IGSF9: variants seen among roughly 807,000 people sequenced by gnomAD.
IGSF9 encodes the protein immunoglobulin superfamily member 9, also known as protein turtle homolog A.
In IGSF9, 87 loss-of-function variants were observed where a neutral mutation model predicts 121.7. The ratio of observed to expected loss-of-function variants is 0.71; its 90% confidence interval spans 0.60 to 0.85. The LOEUF is 0.85. IGSF9 is among the 40% of genes least tolerant of loss of function. The pLI is 0.00. For synonymous variants in IGSF9, 640 were observed against 648.4 expected (o/e 0.99, Z 0.20); for missense variants, 1,462 against 1,565.3 (o/e 0.93, Z 1.11).
In IGSF9 at chr1:159,930,732, C is replaced by T. The variant is rs1471529722; in HGVS notation, c.1773G>A (p.Gly591=). 1 of 1,614,012 alleles carries T rather than the reference C, an allele frequency of 6.2e-7. No individual in the cohort carries two copies. The highest frequency in any genetic ancestry group is 1.3e-5 in the African/African-American group (1 of 74,916). The change falls in exon 14 of 21, where the codon GGG becomes GGA. Residue 591 remains glycine (G), a synonymous_variant. Coordinates refer to ENST00000368094, the MANE Select transcript of IGSF9 (RefSeq NM_001135050.2). ...AGACGATTTCGCTGAAGGGACCACT[C>T]CCCAGCTTGTTCTGAGCTAGCACGC... ...QFSVLAQNKL[G]SGPFSEIVLS... is the part of the protein sequence containing the mutation.
chr1:159,943,056 G>A lies in IGSF9; in HGVS notation c.154C>T (p.Leu52=), dbSNP rs754099072. 2 of 1,611,608 alleles carry A rather than the reference G, an allele frequency of 1.2e-6. No homozygotes were observed. The highest frequency in any genetic ancestry group is 1.1e-5 in the South Asian group (1 of 90,728). ...AAGCGCAGCCACTCGATGACATGCA[G>A]GGGGGGCCGGCCGGCCGGGGGCAGC... ...DLLPPAGRPP[L]HVIEWLRFGF... The change falls in exon 3 of 21, where the codon CTG becomes TTG. Residue 52 remains leucine, a synonymous_variant. Coordinates refer to ENST00000368094, the MANE Select transcript of IGSF9 (RefSeq NM_001135050.2).
chr1:159,940,772 T>C (rs1474440327), intron 3 of IGSF9, among the ~76,000 whole-genome samples: 1 of 152,196 alleles, frequency 6.6e-6, no homozygotes, highest in Non-Finnish European at 1.5e-5. Flanking sequence ...ACGAGGTCAC[T>C]GATTTTTATC....
chr1:159,942,284 C>T (rs1027752255), intron 3 of IGSF9, among the ~76,000 whole-genome samples: 14 of 152,210 alleles, frequency 9.2e-5, no homozygotes, highest in African/African-American at 3.1e-4. Context: ...AGGCTACACA[C>T]GATTTTAAGT....
chr1:159,929,839 G>A (rs1371344170), intron 16 of IGSF9, 25 bp from the exon 17 acceptor site: 2 of 1,596,202 alleles, frequency 1.3e-6, no homozygotes, highest in African/African-American at 2.7e-5. Context: ...ACGAGGGAGG[G>A]TCAGTGGACT....
chr1:159,931,644 C>T lies in IGSF9; in HGVS notation c.1363-41G>A. ...TGAGCCCTGAGGACACACGCAGCCA[C>T]CCCTCACCAAAGGCGCCCCTCATCT... is the stretch of plus-strand genomic sequence containing the variant. On this transcript the variant is annotated intron_variant, in intron 11 of 20. Coordinates refer to ENST00000368094, the MANE Select transcript of IGSF9 (RefSeq NM_001135050.2). This position sits in a 1 kb window ranked among gnomAD's most constrained non-coding sequence, Gnocchi z 4.8. 5 of 1,597,656 alleles carry T rather than the reference C, an allele frequency of 3.1e-6. No individual in the cohort carries two copies. Among genetic ancestry groups the T allele is most frequent in the South Asian group, 2.2e-5 (2 of 90,624 alleles).
At chr1:159,934,366 G>A in intron 8 of IGSF9, 34 bp from the exon 9 acceptor site, 3 of 1,568,958 alleles carry the variant, frequency 1.9e-6, no homozygotes, top group Middle Eastern at 1.7e-4. Context: ...GGGGGAGAGG[G>A]GCTTGGCCTG....
chr1:159,927,457 G>A lies in IGSF9; in HGVS notation c.3428C>T (p.Ala1143Val). The change falls in exon 21 of 21, where the codon GCT (alanine) becomes GTT (valine). Residue 1143 changes from alanine (A) to valine (V), a missense_variant. Ala to Val is a moderately conservative substitution (Grantham distance 64). Coordinates refer to ENST00000368094, the MANE Select transcript of IGSF9 (RefSeq NM_001135050.2). ...AHVTGPEARC[A>V]ALREEFLAFR... is the part of the protein sequence containing the mutation. The stretch of plus-strand genomic sequence containing the variant: ...GGCCAGGAATTCCTCCCGAAGGGCA[G>A]CACAGCGGGCCTCAGGGCCAGTAAC... The A allele has an allele frequency of 1.9e-6, 3 of 1,614,178 alleles. No homozygotes were observed. The South Asian group carries it at 3.3e-5, about 18-fold the overall frequency.
chr1:159,929,767 G>A lies in IGSF9; in HGVS notation c.2197C>T (p.Gln733Ter), dbSNP rs534767172. 1.1e-5 allele frequency: 18 copies of A among 1,606,528 alleles called. No homozygotes were observed. The South Asian group carries it at 1.9e-4, about 17-fold the overall frequency. Residue 733 changes from glutamine (Q) to a stop codon, truncating the protein, a stop_gained, in exon 17 of 21, where the codon CAG becomes TAG. Transcript: ENST00000368094. LOFTEE classifies it high-confidence loss of function. ...CCCACCACGCCGGCCAGCACGGGCT[G>A]AGGCAGGAGGCCCGGCAGCTGCGTG... ...SRTQLPGLLPQPVLAGVVGGV... is the reference protein window; with the variant it reads ...SRTQLPGLLP
chr1:159,929,689 G>A lies in IGSF9; in HGVS notation c.2275C>T (p.Leu759Phe). 1.3e-6 allele frequency: 2 copies of A among 1,597,814 alleles called. No homozygotes were observed. Among genetic ancestry groups the A allele is most frequent in the South Asian group, 1.1e-5 (1 of 88,368 alleles). Residue 759 changes from leucine to phenylalanine, a missense_variant, in exon 17 of 21, where the codon CTC becomes TTC. Coordinates refer to ENST00000368094, the MANE Select transcript of IGSF9 (RefSeq NM_001135050.2). ...AVLVSILAGC[L>F]LNRRRAARRR... Reference sequence around the variant, plus strand: ...CGGGCAGCCCTGCGCCGGTTCAGGAGGCAGCCGGCCAGGATGCTCACAAGG... The same window carrying A: ...CGGGCAGCCCTGCGCCGGTTCAGGAAGCAGCCGGCCAGGATGCTCACAAGG...
At chr1:159,941,108 A>T (rs937482183) in intron 3 of IGSF9, among the ~76,000 whole-genome samples, 1 of 145,726 alleles carries the variant, frequency 6.9e-6, no homozygotes, top group African/African-American at 2.8e-5. Flanking sequence ...CCTCTACTAG[A>T]TGCTTCTAGA....
chr1:159,929,503 T>C, intron 17 of IGSF9, 110 bp from the exon 18 acceptor site: 1 of 1,502,496 alleles, frequency 6.7e-7, no homozygotes, highest in Non-Finnish European at 9.1e-7. Flanking sequence ...GGGAAAAGCG[T>C]AGGCAGGACC....
chr1:159,929,789 C>G lies in IGSF9; in HGVS notation c.2175G>C (p.Thr725=). ...TSGLEVYPSR[T]QLPGLLPQPV... ...GCTGAGGCAGGAGGCCCGGCAGCTG[C>G]GTGCGCGAAGGGTAGACCTCCAGAC... Residue 725 remains threonine, a synonymous_variant, in exon 17 of 21, where the codon ACG becomes ACC. Transcript: ENST00000368094. The G allele has an allele frequency of 6.2e-7, 1 of 1,605,932 alleles. No individual in the cohort carries two copies. The highest frequency in any genetic ancestry group is 8.5e-7 in the Non-Finnish European group (1 of 1,176,980).
rs758944782 is a variant in IGSF9, at chr1:159,943,091, C to T, written c.119G>A (p.Gly40Asp). The T allele has an allele frequency of 1.8e-5, 29 of 1,612,068 alleles. No homozygotes were observed. Among genetic ancestry groups the T allele is most frequent in the African/African-American group, 2.7e-5 (2 of 74,794 alleles). ...VGRAGESVVL[G>D]CDLLPPAGRP... is the part of the protein sequence containing the mutation. ...GCCGGCCGGGGGCAGCAGGTCACAGCCCAGCACCACACTCTCCCCAGCCCG... is the reference window on the plus strand; with the variant it reads ...GCCGGCCGGGGGCAGCAGGTCACAGTCCAGCACCACACTCTCCCCAGCCCG... The change falls in exon 3 of 21, where the codon GGC becomes GAC. Residue 40 changes from glycine (G) to aspartate (D), a missense_variant. By Grantham distance (94) the Gly-to-Asp change is moderately conservative (BLOSUM62 -1). This residue lies in a region of IGSF9 where 558 missense variants were observed against 599.4 expected (regional missense o/e 0.93). Transcript: ENST00000368094.
rs1449162918 is a variant in IGSF9 at position 159,929,035 on chromosome 1, G to T, written c.2370-17C>A. ...AGAGCAGAGCTGGGGAAGGACAGGA[G>T]ATCAGGGTCTGTGGTAGGGGCAGGT... On this transcript the variant is annotated splice_polypyrimidine_tract_variant and intron_variant, in intron 18 of 20. Transcript: ENST00000368094. 1.3e-6 allele frequency: 2 copies of T among 1,513,292 alleles called. No homozygotes were observed. The highest frequency in any genetic ancestry group is 2.8e-5 in the African/African-American group (2 of 71,770). 93.7% of individuals were successfully genotyped at this position (1,513,292 alleles called of 1,614,324 possible).
chr1:159,943,258 G>C lies in IGSF9; in HGVS notation c.59-107C>G, dbSNP rs115017424. The C allele has an allele frequency of 2.3e-6, 3 of 1,311,670 alleles. No homozygotes were observed. In the African/African-American group the frequency reaches 4.5e-5, roughly 20 times the overall value. The allele number at this position is 1,311,670 out of a possible 1,614,324, so 81.3% of individuals were successfully genotyped here. A position where few individuals can be genotyped will look rare whatever the true frequency, so the allele number is the denominator to read the frequency against. On this transcript the variant is annotated intron_variant, in intron 2 of 20. Transcript: ENST00000368094. ...CACCTTAGGACTTTGGGTGACTGGAGAAACCCCCAGTTCAGCTTCTCCAGA... is the reference window on the plus strand; with the variant it reads ...CACCTTAGGACTTTGGGTGACTGGACAAACCCCCAGTTCAGCTTCTCCAGA...
intron 15 of IGSF9, 74 bp downstream of exon 15, chr1:159,930,115 T>TA: frequency 6.4e-7 from 1 of 1,550,728 alleles, no homozygotes. Context: ...GATGAGAAGA[T>TA]AGAGTTTGGG....
chr1:159,931,191 C>A lies in IGSF9; in HGVS notation c.1584G>T (p.Glu528Asp). ...GCAGATAACCACCATCAAAGCCAGG[C>A]TCCCAGGAGACATTGGCACCCTTGG... is the stretch of plus-strand genomic sequence containing the variant. ...ALPKGANVSW[E>D]PGFDGGYLQR... Residue 528 changes from glutamate (E) to aspartate (D), a missense_variant, in exon 13 of 21, where the codon GAG becomes GAT. Physicochemically the swap from Glu to Asp is conservative, Grantham distance 45. Transcript: ENST00000368094. This position sits in a 1 kb window ranked among gnomAD's most constrained non-coding sequence, Gnocchi z 4.8. 6.2e-7 allele frequency: 1 copy of A among 1,614,128 alleles called. No homozygotes were observed. Among genetic ancestry groups the A allele is most frequent in the East Asian group, 2.2e-5 (1 of 44,872 alleles).
intron 2 of IGSF9, 89 bp downstream of exon 2, chr1:159,943,308 T>C: frequency 1.4e-6 from 2 of 1,390,840 alleles, no homozygotes; most frequent in Non-Finnish European, 1.9e-6. Context: ...TCCCCTGCCC[T>C]CACATGCTCA....
rs1360863130 is a variant in IGSF9 at position 159,943,067 on chromosome 1, C to T, written c.143G>A (p.Gly48Asp). 6.2e-7 allele frequency: 1 copy of T among 1,612,866 alleles called. No homozygotes were observed. The highest frequency in any genetic ancestry group is 8.5e-7 in the Non-Finnish European group (1 of 1,179,514). The change falls in exon 3 of 21, where the codon GGC becomes GAC. Residue 48 changes from glycine to aspartate, a missense_variant. Gly to Asp is a moderately conservative substitution (Grantham distance 94, BLOSUM62 -1). Around this residue, in one of 3 missense-constraint regions of IGSF9, gnomAD observed 558 missense variants for 599.4 expected, o/e 0.93. Transcript: ENST00000368094. ...VLGCDLLPPA[G>D]RPPLHVIEWL... ...CTCGATGACATGCAGGGGGGGCCGG[C>T]CGGCCGGGGGCAGCAGGTCACAGCC... is the stretch of plus-strand genomic sequence containing the variant.
Sources: gnomAD v4.1 joint callset for allele counts (sites outside exome capture counted in the v4.1 genomes callset) on GRCh38, gnomAD v4.1.1 for gene constraint, gnomAD v4.1.1 regional missense constraint, Gnocchi (gnomAD v3.1) non-coding constraint, MANE v1.5 for transcripts, NCBI Gene and HGNC (gene_info 2026-07-23, HGNC 2026-07-21) for gene names.